The following CCDC178 variants were observed in gnomAD, a reference collection of about 807,000 sequenced individuals.
The protein encoded by CCDC178 is coiled-coil domain containing 178, also known as coiled-coil domain-containing protein 178.
In CCDC178, 126 loss-of-function variants were observed where a neutral mutation model predicts 117.4. That is an observed-to-expected ratio of 1.07 (90% CI 0.93 to 1.24). The LOEUF (loss-of-function observed/expected upper bound fraction) is 1.24. Ranked by LOEUF, CCDC178 falls within the 50% of genes most tolerant of loss-of-function variation. The pLI is 0.00. For synonymous variants in CCDC178, 283 were observed against 313.4 expected (o/e 0.90, Z 1.02); for missense variants, 1,030 against 986.9 (o/e 1.04, Z -0.59).
intron 21 of CCDC178, among the ~76,000 whole-genome samples, chr18:33,015,345 C>G (rs562473014): frequency 4.6e-5 from 7 of 151,848 alleles, no homozygotes; most frequent in Admixed American, 4.6e-4. Flanking sequence ...CGGGGCAGAT[C>G]ACGAGGTCAG....
At chr18:33,019,845 A>G (rs2056073464) in intron 21 of CCDC178, among the ~76,000 whole-genome samples, 1 of 151,582 alleles carries the variant, frequency 6.6e-6, no homozygotes, top group Non-Finnish European at 1.5e-5. Context: ...ACATCTAAAT[A>G]CCATAAATCA....
At chr18:33,192,083 A>G (rs1188401530) in intron 20 of CCDC178, among the ~76,000 whole-genome samples, 1 of 152,194 alleles carries the variant, frequency 6.6e-6, no homozygotes, top group African/African-American at 2.4e-5. Context: ...ATAAATAAAT[A>G]ATATACAGTA....
chr18:32,986,148 G>A (rs892144399), intron 21 of CCDC178, among the ~76,000 whole-genome samples: 1 of 152,014 alleles, frequency 6.6e-6, no homozygotes, highest in African/African-American at 2.4e-5. Flanking sequence ...ACTCTGAAGA[G>A]TGCTTTAATT....
chr18:32,957,150 C>T (rs1400555720), intron 22 of CCDC178, among the ~76,000 whole-genome samples: 2 of 152,160 alleles, frequency 1.3e-5, no homozygotes, highest in Non-Finnish European at 2.9e-5. Flanking sequence ...AGGCTGAATG[C>T]TGAGATCCTC....
intron 20 of CCDC178, among the ~76,000 whole-genome samples, chr18:33,169,087 A>G (rs944051233): frequency 3.9e-5 from 6 of 152,234 alleles, no homozygotes; most frequent in Admixed American, 6.5e-5. Flanking sequence ...CACTGAATCA[A>G]AACAGACCAT....
At chr18:33,234,424 C>T (rs1469329174) in intron 15 of CCDC178, among the ~76,000 whole-genome samples, 1 of 151,700 alleles carries the variant, frequency 6.6e-6, no homozygotes, top group Non-Finnish European at 1.5e-5. Flanking sequence ...ACCAATGAAA[C>T]AAGCAAAAAA....
intron 5 of CCDC178, among the ~76,000 whole-genome samples, chr18:33,375,152 T>C (rs767009669): frequency 2.0e-5 from 3 of 152,180 alleles, no homozygotes; most frequent in Non-Finnish European, 4.4e-5. Context: ...CCACTAAGCA[T>C]ATCCTAGTGG....
intron 21 of CCDC178, among the ~76,000 whole-genome samples, chr18:33,087,390 G>C (rs978026908): frequency 2.0e-5 from 3 of 152,140 alleles, no homozygotes; most frequent in Non-Finnish European, 1.5e-5. Context: ...GTGTACTCCT[G>C]TCTCGGGCAT....
chr18:33,078,903 A>G (rs951043113), intron 21 of CCDC178, among the ~76,000 whole-genome samples: 3 of 152,190 alleles, frequency 2.0e-5, no homozygotes, highest in African/African-American at 7.2e-5. Context: ...TACCAATATC[A>G]TTCTTCACAG....
At chr18:33,406,143 A>C (rs1367392974) in intron 3 of CCDC178, among the ~76,000 whole-genome samples, 2 of 152,096 alleles carry the variant, frequency 1.3e-5, no homozygotes, top group African/African-American at 4.8e-5. Context: ...AATAATGTAC[A>C]AAATACATAT....
intron 20 of CCDC178, among the ~76,000 whole-genome samples, chr18:33,150,513 G>A (rs1264514953): frequency 7.2e-5 from 11 of 152,040 alleles, no homozygotes; most frequent in African/African-American, 2.2e-4. Flanking sequence ...CGGCATCTAC[G>A]AGGAACACAA....
At position 33,169,286 on chromosome 18, in the gene CCDC178, T is replaced by C. The variant is rs970640800; in HGVS notation, c.2238+42610A>G. On this transcript the variant is annotated intron_variant, in intron 20 of 22. Coordinates refer to ENST00000383096, the MANE Select transcript of CCDC178 (RefSeq NM_001105528.4). ...TTTAACAATTCATTCCTCTTAGGGATACATTTTACTGGGAGATTTAAGCTA... is the reference window on the plus strand; with the variant it reads ...TTTAACAATTCATTCCTCTTAGGGACACATTTTACTGGGAGATTTAAGCTA... Among the ~76,000 whole-genome samples, 10 of 152,336 alleles carry C rather than the reference T, an allele frequency of 6.6e-5. No individual in the cohort carries two copies. In the East Asian group the frequency reaches 9.6e-4, roughly 15 times the overall value.
At chr18:32,963,660 A>G (rs1308953382) in intron 22 of CCDC178, among the ~76,000 whole-genome samples, 3 of 151,966 alleles carry the variant, frequency 2.0e-5, no homozygotes, top group Non-Finnish European at 4.4e-5. Flanking sequence ...TCACCTTGCA[A>G]GATGTAGTTT....
intron 10 of CCDC178, among the ~76,000 whole-genome samples, chr18:33,332,240 A>T (rs1002861949): frequency 3.9e-5 from 6 of 152,204 alleles, no homozygotes; most frequent in Non-Finnish European, 5.9e-5. Flanking sequence ...AACACATGAA[A>T]TTCATTATAA....
chr18:33,308,624 C>T (rs1376843579), intron 11 of CCDC178, among the ~76,000 whole-genome samples: 2 of 152,136 alleles, frequency 1.3e-5, no homozygotes, highest in African/African-American at 4.8e-5. Flanking sequence ...TATGTTTTGG[C>T]TGTGTCCCTA....
At chr18:33,333,739 C>A (rs990337603) in intron 9 of CCDC178, among the ~76,000 whole-genome samples, 4 of 151,680 alleles carry the variant, frequency 2.6e-5, no homozygotes, top group African/African-American at 7.3e-5. Flanking sequence ...CTCAAACTCG[C>A]GACCTCAGGT....
intron 20 of CCDC178, among the ~76,000 whole-genome samples, chr18:33,117,586 GGGAGA>G (rs1598900510): frequency 6.6e-6 from 1 of 151,982 alleles, no homozygotes; most frequent in Non-Finnish European, 1.5e-5. Flanking sequence ...GGGGGGAGCG[GGGAGA>G]GGGATAGCAT....
intron 9 of CCDC178, among the ~76,000 whole-genome samples, chr18:33,336,375 C>A (rs1002434545): frequency 2.0e-5 from 3 of 151,940 alleles, no homozygotes; most frequent in East Asian, 1.9e-4. Context: ...TCAAGGATTC[C>A]CCCAGGGCTA....
chr18:33,438,991 CAT>C (rs764940321), intron 2 of CCDC178, among the ~76,000 whole-genome samples: 2 of 152,198 alleles, frequency 1.3e-5, no homozygotes, highest in Non-Finnish European at 2.9e-5. Flanking sequence ...ACTCCATCCA[CAT>C]AGTCTGACAT....
Sources: gnomAD v4.1 joint callset for allele counts (sites outside exome capture counted in the v4.1 genomes callset) on GRCh38, gnomAD v4.1.1 for gene constraint, MANE v1.5 for transcripts, NCBI Gene and HGNC (gene_info 2026-07-23, HGNC 2026-07-21) for gene names.